The following C8orf74 variants were observed in gnomAD, a reference collection of about 807,000 sequenced individuals.
C8orf74 encodes uncharacterized protein C8orf74.
C8orf74 carries 29 observed loss-of-function variants against 22.2 expected under a neutral mutation model. The observed-to-expected ratio is 1.31, with a 90% CI of 0.97 to 1.78. C8orf74 has a LOEUF of 1.78. Ranked by LOEUF, C8orf74 falls within the 40% of genes most tolerant of loss-of-function variation. The probability of loss-of-function intolerance (pLI) is 0.00; values close to 1 mark genes in which losing one functional copy is unlikely to be tolerated. For synonymous variants in C8orf74, 255 were observed against 163.1 expected, an observed-to-expected ratio of 1.56 and a Z score of -4.30; for missense variants, 515 against 369.9, an observed-to-expected ratio of 1.39 and a Z score of -3.22.
intron 1 of C8orf74, among the ~76,000 whole-genome samples, chr8:10,673,035 G>A (rs1798950280): frequency 6.6e-6 from 1 of 152,174 alleles, no homozygotes; most frequent in Non-Finnish European, 1.5e-5. Context: ...TGTGTTGGGG[G>A]AGGCTCTGCT....
intron 2 of C8orf74, chr8:10,692,755 T>C (rs112554527): frequency 4.6e-5 from 7 of 152,166 alleles, no homozygotes; most frequent in African/African-American, 1.4e-4. Context: ...ACCCCTGCCA[T>C]GGCCTCTGAA....
chr8:10,691,645 A>G (rs10094968), intron 2 of C8orf74: 22,250 of 152,476 alleles, frequency 0.15, 5,118 homozygotes, highest in African/African-American at 0.49. Context: ...GGATCCCTCA[A>G]TGGGCAGCCT....
chr8:10,675,466 C>G (rs930385768), intron 2 of C8orf74: 1 of 152,274 alleles, frequency 6.6e-6, no homozygotes, highest in East Asian at 1.9e-4. Context: ...ATACTTCATT[C>G]CACTGAGAAC....
chr8:10,699,267 C>T (rs150729750), intron 3 of C8orf74, among the ~76,000 whole-genome samples: 110 of 152,302 alleles, frequency 7.2e-4, no homozygotes, highest in Non-Finnish European at 8.8e-4. Context: ...AGCTGGTGAG[C>T]CAGAGCCCCC....
chr8:10,700,203 C>A, intron 3 of C8orf74, 32 bp from the exon 4 acceptor site: 2 of 1,463,520 alleles, frequency 1.4e-6, no homozygotes, highest in Non-Finnish European at 1.9e-6. Flanking sequence ...GGCTCCCCAG[C>A]CCTGCTCATC....
At chr8:10,683,669 G>A (rs13275541) in intron 2 of C8orf74, among the ~76,000 whole-genome samples, 103,928 of 152,082 alleles carry the variant, frequency 0.68, 36,724 homozygotes, top group East Asian at 0.89. Flanking sequence ...TACAGGGACC[G>A]TCAGCTCCAC....
rs368125821 is a variant in C8orf74, at chr8:10,674,777, C to T, written c.180C>T (p.Phe60=). ...TCATCTTTGCAGTGGGCAAAGGCTT[C>T]CCATGGGTGGAGGTGGCCCAGGTGG... ...ESIIFAVGKG[F]PWVEVAQVVK... is the part of the protein sequence containing the mutation. The change falls in exon 2 of 4, where the codon TTC becomes TTT. Residue 60 remains phenylalanine, a synonymous_variant. Coordinates refer to ENST00000304519, the MANE Select transcript of C8orf74 (RefSeq NM_001040032.2). The T allele has an allele frequency of 6.2e-7, 1 of 1,606,996 alleles. No individual in the cohort carries two copies. Among genetic ancestry groups the T allele is most frequent in the Non-Finnish European group, 8.5e-7 (1 of 1,176,892 alleles).
chr8:10,687,006 A>T, intron 2 of C8orf74: 2 of 436,638 alleles, frequency 4.6e-6, no homozygotes, highest in South Asian at 1.6e-5. Flanking sequence ...AACCGCCAAG[A>T]AGGGATTAGA....
chr8:10,679,687 C>T (rs1158098483), intron 2 of C8orf74, among the ~76,000 whole-genome samples: 4 of 152,212 alleles, frequency 2.6e-5, no homozygotes, highest in South Asian at 2.1e-4. Flanking sequence ...GCCACAGCCA[C>T]GGCCTGGCTG....
intron 2 of C8orf74, chr8:10,691,262 G>A: frequency 4.1e-6 from 1 of 246,236 alleles, no homozygotes; most frequent in Non-Finnish European, 8.4e-6. Context: ...GGCCACAGTG[G>A]GGCATCGGCC....
chr8:10,684,316 A>C (rs1799216467), intron 2 of C8orf74, among the ~76,000 whole-genome samples: 2 of 152,180 alleles, frequency 1.3e-5, no homozygotes. Context: ...CTTTCACATG[A>C]ATCATTCTAG....
intron 2 of C8orf74, among the ~76,000 whole-genome samples, chr8:10,694,724 G>A (rs1799452404): frequency 6.6e-6 from 1 of 152,208 alleles, no homozygotes; most frequent in African/African-American, 2.4e-5. Flanking sequence ...TTGGCATAGT[G>A]AATTGGGTTC....
intron 2 of C8orf74, chr8:10,689,593 G>T (rs1409809512): frequency 6.6e-6 from 1 of 152,108 alleles, no homozygotes; most frequent in South Asian, 2.1e-4. Context: ...CCTCCTGTGC[G>T]GTTGAAAACC....
intron 2 of C8orf74, among the ~76,000 whole-genome samples, chr8:10,694,584 G>C (rs1189125829): frequency 6.6e-6 from 1 of 152,190 alleles, no homozygotes; most frequent in Non-Finnish European, 1.5e-5. Context: ...TTGGCACTTT[G>C]TATAAGATAA....
At chr8:10,682,037 C>T (rs1799161879) in intron 2 of C8orf74, among the ~76,000 whole-genome samples, 1 of 152,238 alleles carries the variant, frequency 6.6e-6, no homozygotes, top group South Asian at 2.1e-4. Context: ...TGGCCATGCC[C>T]ACGGTCTGCC....
rs1798939613 is a variant in C8orf74 at position 10,672,657 on chromosome 8, G to A, written c.-9G>A. 2 of 1,562,702 alleles carry A rather than the reference G, an allele frequency of 1.3e-6. No individual in the cohort carries two copies. Among genetic ancestry groups the A allele is most frequent in the African/African-American group, 1.4e-5 (1 of 73,640 alleles). ...TGGCTCCGTCTCCTGGCAACCAGAT[G>A]CAGGGGCCATGGCACTCTTAACACC... On this transcript the variant is annotated 5_prime_UTR_variant, in exon 1 of 4. It removes an upstream start codon present in the reference 5' UTR. Coordinates refer to ENST00000304519, the MANE Select transcript of C8orf74 (RefSeq NM_001040032.2).
chr8:10,696,441 CTTTTTTTT>C lies in C8orf74; in HGVS notation c.242-1143_242-1136del, dbSNP rs546082377. On this transcript the variant is annotated intron_variant, in intron 2 of 3. Coordinates refer to ENST00000304519, the MANE Select transcript of C8orf74 (RefSeq NM_001040032.2). ...TTTTTCTTTTCTTTTCTTTTCTTTT[CTTTTTTTT>C]TTTTTTTTTTTTTTGAGATGGAGTC... is the stretch of plus-strand genomic sequence containing the variant. Among the ~76,000 whole-genome samples, 18 of 102,420 alleles carry C rather than the reference CTTTTTTTT, an allele frequency of 1.8e-4. 1 individual carries two copies. The highest frequency in any genetic ancestry group is 6.8e-4 in the African/African-American group (16 of 23,410). The allele number at this position is 102,420 out of a possible 152,430, so 67.2% of individuals were successfully genotyped here.
chr8:10,679,690 C>A (rs910273154), intron 2 of C8orf74, among the ~76,000 whole-genome samples: 8 of 152,210 alleles, frequency 5.3e-5, no homozygotes, highest in Non-Finnish European at 1.2e-4. Context: ...ACAGCCACGG[C>A]CTGGCTGCCT....
Position 10,674,644 on chromosome 8 carries a change from A to G in C8orf74, c.49-2A>G, listed in dbSNP as rs775516675. The G allele has an allele frequency of 3.7e-6, 6 of 1,604,094 alleles. No individual in the cohort carries two copies. The African/African-American group carries it at 5.4e-5, about 14-fold the overall frequency. Reference sequence around the variant, plus strand: ...CTGCAGTTCCCATGTCATTCCCTGCAGAGACCACAAGGTCGGGAGCGCCTG... The same window carrying G: ...CTGCAGTTCCCATGTCATTCCCTGCGGAGACCACAAGGTCGGGAGCGCCTG... On this transcript the variant is annotated splice_acceptor_variant, in intron 1 of 3. Coordinates refer to ENST00000304519, the MANE Select transcript of C8orf74 (RefSeq NM_001040032.2). LOFTEE classifies it high-confidence loss of function.
Sources: allele counts gnomAD v4.1 joint callset (sites outside exome capture counted in the v4.1 genomes callset), GRCh38; gene constraint gnomAD v4.1.1; transcripts MANE v1.5; gene names NCBI Gene and HGNC (gene_info 2026-07-23, HGNC 2026-07-21).